RSPO2: variants seen among roughly 807,000 people sequenced by gnomAD.
RSPO2 encodes the protein R-spondin-2.
Under a neutral mutation model 30.9 loss-of-function variants are expected in RSPO2, and 14 were observed. That is an observed-to-expected ratio of 0.45 (90% CI 0.30 to 0.71). The LOEUF is 0.71. RSPO2 is among the 30% of genes least tolerant of loss of function. The pLI, the probability that RSPO2 is intolerant of heterozygous loss-of-function variation, is 0.08. For missense variants in RSPO2, 264 were observed against 301.9 expected (o/e 0.87, Z 0.93); for synonymous variants, 107 against 96.4 (o/e 1.11, Z -0.64).
At chr8:108,070,278 C>CTTTTTTTTTTTTTT (rs1050611219) in intron 2 of RSPO2, among the ~76,000 whole-genome samples, 2 of 81,190 alleles carry the variant, frequency 2.5e-5, no homozygotes, top group Non-Finnish European at 4.5e-5. Context: ...GACCCCATCT[C>CTTTTTTTTTTTTTT]TTTTTTTTTT....
At chr8:107,951,039 A>C (rs1813223607) in intron 5 of RSPO2, among the ~76,000 whole-genome samples, 1 of 70,178 alleles carries the variant, frequency 1.4e-5, no homozygotes, top group African/African-American at 4.5e-5. Flanking sequence ...GATAGGGAGA[A>C]TAAGTTTTTT....
Position 107,972,033 on chromosome 8 carries a change from T to C in RSPO2, c.284-11216A>G, listed in dbSNP as rs1262432226. On this transcript the variant is annotated intron_variant, in intron 3 of 5. Transcript: ENST00000276659. ...AATGTAGAAAACAGAGCCTGTCTTA[T>C]GCTAGTCTGTATTCTTAGATCTCAG... Among the ~76,000 whole-genome samples the C allele has an allele frequency of 5.3e-5, 8 of 152,348 alleles. No homozygotes were observed. The East Asian group carries it at 9.6e-4, about 18-fold the overall frequency.
chr8:107,961,334 G>A (rs539896476), intron 3 of RSPO2, among the ~76,000 whole-genome samples: 1 of 152,272 alleles, frequency 6.6e-6, no homozygotes, highest in South Asian at 2.1e-4. Context: ...GTGGGGCATG[G>A]GGGTGGAAGT....
At chr8:107,928,160 G>C (rs929176763) in intron 5 of RSPO2, among the ~76,000 whole-genome samples, 1 of 152,048 alleles carries the variant, frequency 6.6e-6, no homozygotes, top group African/African-American at 2.4e-5. Context: ...AGGATCTCTT[G>C]ATTATTTGAA....
chr8:108,005,259 T>A (rs1402059994), intron 2 of RSPO2, among the ~76,000 whole-genome samples: 1 of 152,150 alleles, frequency 6.6e-6, no homozygotes, highest in African/African-American at 2.4e-5. Flanking sequence ...GTTAAGGTGG[T>A]GTCTGCTAGG....
chr8:107,975,931 T>A (rs749022360), intron 3 of RSPO2, among the ~76,000 whole-genome samples: 1 of 152,180 alleles, frequency 6.6e-6, no homozygotes, highest in South Asian at 2.1e-4. Context: ...AATAAGTGGA[T>A]AGTAGGGTGT....
intron 2 of RSPO2, among the ~76,000 whole-genome samples, chr8:108,079,825 T>C (rs1433063026): frequency 2.7e-5 from 4 of 150,582 alleles, no homozygotes; most frequent in African/African-American, 9.7e-5. Flanking sequence ...TTATAAAAAA[T>C]ACCAATTACT....
intron 5 of RSPO2, among the ~76,000 whole-genome samples, chr8:107,921,948 C>A (rs1465521889): frequency 1.3e-5 from 2 of 151,984 alleles, no homozygotes; most frequent in Admixed American, 6.6e-5. Context: ...AAGGAACATA[C>A]CTGAAAATAA....
At chr8:108,028,477 G>A (rs1563570084) in intron 2 of RSPO2, among the ~76,000 whole-genome samples, 2 of 152,138 alleles carry the variant, frequency 1.3e-5, no homozygotes, top group African/African-American at 2.4e-5. Context: ...AATGGGGAGT[G>A]GACACCTGTT....
intron 2 of RSPO2, among the ~76,000 whole-genome samples, chr8:108,035,683 G>C (rs1016581928): frequency 5.9e-5 from 9 of 152,018 alleles, no homozygotes; most frequent in Admixed American, 6.6e-5. Context: ...GTGTTAGCCA[G>C]GATGGTTTCG....
chr8:107,899,628 G>GAAA lies in RSPO2; in HGVS notation c.*1444_*1446dup, dbSNP rs571741064. On this transcript the variant is annotated 3_prime_UTR_variant, in exon 6 of 6. Coordinates refer to ENST00000276659, the MANE Select transcript of RSPO2 (RefSeq NM_178565.5). Reference sequence around the variant, plus strand: ...AGAGGTAGTTTTGCCAATGCAAGGTGAAAAAAAAAAGGCTTTACCTTGCTT... The same window carrying GAAA: ...AGAGGTAGTTTTGCCAATGCAAGGTGAAAAAAAAAAAAAGGCTTTACCTTGCTT... 2.7e-5 allele frequency: 4 copies of GAAA among 145,866 alleles called. No individual in the cohort carries two copies. The East Asian group carries it at 7.9e-4, about 29-fold the overall frequency. The allele number at this position is 145,866 out of a possible 1,614,324, so 9.0% of individuals were successfully genotyped here.
At chr8:108,006,633 G>T (rs1815462378) in intron 2 of RSPO2, among the ~76,000 whole-genome samples, 1 of 151,050 alleles carries the variant, frequency 6.6e-6, no homozygotes, top group Non-Finnish European at 1.5e-5. Flanking sequence ...AATTCAAGAA[G>T]AAAGAAGGAT....
chr8:107,948,869 A>T (rs541379645), intron 5 of RSPO2, among the ~76,000 whole-genome samples: 22 of 128,378 alleles, frequency 1.7e-4, no homozygotes, highest in Admixed American at 4.9e-4. Context: ...CAAAAAAAAA[A>T]TAAATAAATA....
At chr8:108,014,718 A>G (rs1215678599) in intron 2 of RSPO2, among the ~76,000 whole-genome samples, 1 of 152,068 alleles carries the variant, frequency 6.6e-6, no homozygotes, top group African/African-American at 2.4e-5. Flanking sequence ...TAGGGGAGGG[A>G]TAGCATTAGG....
chr8:108,014,650 C>T lies in RSPO2; in HGVS notation c.95-25406G>A, dbSNP rs572583438. Among the ~76,000 whole-genome samples, 4 of 151,618 alleles carry T rather than the reference C, an allele frequency of 2.6e-5. No homozygotes were observed. The South Asian group carries it at 6.3e-4, about 24-fold the overall frequency. ...ATAAGTGGGAGTTGAACAATGAGAA[C>T]ACATGGACACAGGGAGGGGAACATC... On this transcript the variant is annotated intron_variant, in intron 2 of 5. Transcript: ENST00000276659.
intron 5 of RSPO2, among the ~76,000 whole-genome samples, chr8:107,926,919 C>G (rs1812396025): frequency 6.6e-6 from 1 of 152,052 alleles, no homozygotes; most frequent in South Asian, 2.1e-4. Context: ...GTAGTTTTTT[C>G]CAATTCTGTG....
intron 5 of RSPO2, among the ~76,000 whole-genome samples, chr8:107,907,493 T>C (rs1400385208): frequency 1.3e-5 from 2 of 152,076 alleles, no homozygotes; most frequent in Non-Finnish European, 2.9e-5. Flanking sequence ...GAATGTCAAG[T>C]AGTAACTTAG....
At chr8:108,077,835 A>T (rs1180813868) in intron 2 of RSPO2, among the ~76,000 whole-genome samples, 1 of 152,148 alleles carries the variant, frequency 6.6e-6, no homozygotes, top group Non-Finnish European at 1.5e-5. Context: ...GCTTCATGTC[A>T]TCTTAAATAC....
At chr8:107,952,755 T>C (rs1813296757) in intron 5 of RSPO2, among the ~76,000 whole-genome samples, 1 of 152,198 alleles carries the variant, frequency 6.6e-6, no homozygotes, top group Non-Finnish European at 1.5e-5. Context: ...ACCTAATACG[T>C]AGTCCACATG....
Sources: gnomAD v4.1 joint callset for allele counts (sites outside exome capture counted in the v4.1 genomes callset) on GRCh38, gnomAD v4.1.1 for gene constraint, MANE v1.5 for transcripts, NCBI Gene and HGNC (gene_info 2026-07-23, HGNC 2026-07-21) for gene names.